Variants in ST8SIA2 observed in about 807,000 individuals in gnomAD.
ST8SIA2 encodes the protein alpha-2,8-sialyltransferase 8B.
ST8SIA2 carries 22 observed loss-of-function variants against 37.6 expected under a neutral mutation model. The ratio of observed to expected loss-of-function variants is 0.58; its 90% confidence interval spans 0.42 to 0.83. The LOEUF (loss-of-function observed/expected upper bound fraction) is 0.83. ST8SIA2 is among the 40% of genes least tolerant of loss of function. The pLI, the probability that ST8SIA2 is intolerant of heterozygous loss-of-function variation, is 0.00. For missense variants in ST8SIA2, 382 were observed against 484.7 expected, an observed-to-expected ratio of 0.79 and a Z score of 1.99; for synonymous variants, 205 against 201.2, an observed-to-expected ratio of 1.02 and a Z score of -0.16.
At position 92,393,986 on chromosome 15, in the gene ST8SIA2, C is replaced by T; in HGVS notation, c.-79C>T. ...CCCAGCTGCGCGCGGCGCGCGGAGG[C>T]TCCGGCGTCCGCCGCTGCGCCCTCC... On this transcript the variant is annotated 5_prime_UTR_variant, in exon 1 of 6. Transcript: ENST00000268164. The T allele has an allele frequency of 9.5e-7, 1 of 1,047,122 alleles. No individual in the cohort carries two copies. The highest frequency in any genetic ancestry group is 1.3e-6 in the Non-Finnish European group (1 of 779,998). 64.9% of individuals were successfully genotyped at this position (1,047,122 alleles called of 1,614,324 possible). A position where few individuals can be genotyped will look rare whatever the true frequency, so the allele number is the denominator to read the frequency against.
chr15:92,440,973 G>C (rs7183904), intron 4 of ST8SIA2, among the ~76,000 whole-genome samples: 48,410 of 152,168 alleles, frequency 0.32, 9,305 homozygotes, highest in East Asian at 0.64. Flanking sequence ...CTCCAGAGCA[G>C]AGTGGCTGTG....
chr15:92,441,721 C>T (rs528879446), intron 4 of ST8SIA2, among the ~76,000 whole-genome samples: 11 of 152,262 alleles, frequency 7.2e-5, no homozygotes, highest in South Asian at 6.2e-4. Context: ...CCACTTTGAA[C>T]GTACCAGGTG....
intron 5 of ST8SIA2, among the ~76,000 whole-genome samples, chr15:92,462,234 G>A (rs1456293179): frequency 6.6e-6 from 1 of 152,176 alleles, no homozygotes; most frequent in East Asian, 1.9e-4. Context: ...TCGGGATGGG[G>A]GGTGTGAGAA....
At chr15:92,451,541 C>T (rs2049881804) in intron 5 of ST8SIA2, among the ~76,000 whole-genome samples, 1 of 152,106 alleles carries the variant, frequency 6.6e-6, no homozygotes, top group Admixed American at 6.5e-5. Flanking sequence ...TTTGGCTGCC[C>T]CTTCACAACA....
At position 92,467,240 on chromosome 15, in the gene ST8SIA2, C is replaced by T. The variant is rs2049999048; in HGVS notation, c.*2855C>T. 6.5e-6 allele frequency: 1 copy of T among 153,372 alleles called. No individual in the cohort carries two copies. Among genetic ancestry groups the T allele is most frequent in the African/African-American group, 2.4e-5 (1 of 41,450 alleles). The allele number at this position is 153,372 out of a possible 1,614,324, so 9.5% of individuals were successfully genotyped here. On this transcript the variant is annotated 3_prime_UTR_variant, in exon 6 of 6. Transcript: ENST00000268164. The stretch of plus-strand genomic sequence containing the variant: ...TTCCCCTTTCTGAGAAACGTCATCC[C>T]CACCAGTTAACGTTTCCTGTACACC...
At chr15:92,406,495 C>G (rs996737529) in intron 1 of ST8SIA2, among the ~76,000 whole-genome samples, 1 of 152,180 alleles carries the variant, frequency 6.6e-6, no homozygotes, top group Non-Finnish European at 1.5e-5. Flanking sequence ...CTAGACCTGC[C>G]GAATCTGAAT....
chr15:92,394,412 C>A (rs569622383), intron 1 of ST8SIA2, among the ~76,000 whole-genome samples: 1 of 152,096 alleles, frequency 6.6e-6, no homozygotes, highest in African/African-American at 2.4e-5. Context: ...TGGCCCGCGT[C>A]GGGAAGCGGA....
chr15:92,397,094 G>A lies in ST8SIA2; in HGVS notation c.98+2932G>A, dbSNP rs1219238023. 1.3e-5 allele frequency among the ~76,000 whole-genome samples: 2 copies of A among 152,220 alleles called. 1 individual carries two copies. Among genetic ancestry groups the A allele is most frequent in the Admixed American group, 1.3e-4 (2 of 15,286 alleles). The stretch of plus-strand genomic sequence containing the variant: ...GTAAAAGGATGGCTGTTTCTGGAAA[G>A]TAATGAACAGTGGGACCCTGTGATC... On this transcript the variant is annotated intron_variant, in intron 1 of 5. Transcript: ENST00000268164.
intron 1 of ST8SIA2, among the ~76,000 whole-genome samples, chr15:92,411,708 T>A (rs1372127080): frequency 6.6e-6 from 1 of 152,158 alleles, no homozygotes; most frequent in East Asian, 1.9e-4. Flanking sequence ...AGGAAGTGAC[T>A]TGTCCACAGT....
chr15:92,441,182 C>G (rs2049798627), intron 4 of ST8SIA2, among the ~76,000 whole-genome samples: 1 of 152,242 alleles, frequency 6.6e-6, no homozygotes, highest in Non-Finnish European at 1.5e-5. Flanking sequence ...TCAGAAAACT[C>G]TGTGTGGGGA....
At chr15:92,426,668 G>C (rs1039430750) in intron 1 of ST8SIA2, among the ~76,000 whole-genome samples, 2 of 152,246 alleles carry the variant, frequency 1.3e-5, no homozygotes, top group Non-Finnish European at 2.9e-5. Context: ...ATTGGGCAAA[G>C]TGTACAAAGT....
chr15:92,462,088 G>A (rs1469748805), intron 5 of ST8SIA2, among the ~76,000 whole-genome samples: 4 of 151,586 alleles, frequency 2.6e-5, no homozygotes, highest in African/African-American at 4.9e-5. Context: ...TGAAACAACC[G>A]CGGTTGTCTA....
chr15:92,400,502 G>A (rs1359597721), intron 1 of ST8SIA2, among the ~76,000 whole-genome samples: 1 of 152,184 alleles, frequency 6.6e-6, no homozygotes, highest in Non-Finnish European at 1.5e-5. Context: ...TGTGTATCTA[G>A]CGTGGAGGGT....
At chr15:92,439,617 G>A (rs917073593) in intron 4 of ST8SIA2, among the ~76,000 whole-genome samples, 1 of 152,168 alleles carries the variant, frequency 6.6e-6, no homozygotes, top group Non-Finnish European at 1.5e-5. Context: ...CTAAACCTTG[G>A]GACATGGGAA....
At position 92,444,824 on chromosome 15, in the gene ST8SIA2, G is replaced by C; in HGVS notation, c.737G>C (p.Arg246Pro). The change falls in exon 5 of 6, where the codon CGG becomes CCG. Residue 246 changes from arginine to proline, a missense_variant. Physicochemically the swap from Arg to Pro is moderately radical, Grantham distance 103. Transcript: ENST00000268164. ...SILWIPAFMA[R>P]GGKERVEWVN... ...CTGTGGATCCCTGCCTTCATGGCCC[G>C]GGGCGGCAAGGAGCGTGTTGAGTGG... The C allele has an allele frequency of 6.2e-7, 1 of 1,614,016 alleles. No individual in the cohort carries two copies. Among genetic ancestry groups the C allele is most frequent in the Non-Finnish European group, 8.5e-7 (1 of 1,180,038 alleles).
At chr15:92,453,662 C>A (rs754708635) in intron 5 of ST8SIA2, among the ~76,000 whole-genome samples, 3 of 152,194 alleles carry the variant, frequency 2.0e-5, no homozygotes, top group Non-Finnish European at 4.4e-5. Context: ...TCACATTTTT[C>A]TTTAGGTGCC....
intron 1 of ST8SIA2, among the ~76,000 whole-genome samples, chr15:92,400,561 G>A (rs1044048226): frequency 6.6e-6 from 1 of 152,142 alleles, no homozygotes; most frequent in Non-Finnish European, 1.5e-5. Flanking sequence ...TCACCATTGC[G>A]GAATGTTTGG....
rs540915058 is a variant in ST8SIA2 at position 92,467,491 on chromosome 15, C to T, written c.*3106C>T. ...TCTCACCTCCCAGCTCTCCACGCCA[C>T]TTGGCTCTGCAGCGACCCCTCCTAG... On this transcript the variant is annotated 3_prime_UTR_variant, in exon 6 of 6. Transcript: ENST00000268164. The T allele has an allele frequency of 1.3e-5, 2 of 153,200 alleles. No individual in the cohort carries two copies. Among genetic ancestry groups the T allele is most frequent in the African/African-American group, 4.8e-5 (2 of 41,588 alleles). The allele number at this position is 153,200 out of a possible 1,614,324, so 9.5% of individuals were successfully genotyped here.
At chr15:92,441,456 G>T (rs924017668) in intron 4 of ST8SIA2, among the ~76,000 whole-genome samples, 3 of 152,188 alleles carry the variant, frequency 2.0e-5, no homozygotes, top group African/African-American at 7.2e-5. Flanking sequence ...TGTCTGAGGG[G>T]CTGGGCCCAG....
Sources: gnomAD v4.1 joint callset for allele counts (sites outside exome capture counted in the v4.1 genomes callset) on GRCh38, gnomAD v4.1.1 for gene constraint, MANE v1.5 for transcripts, NCBI Gene and HGNC (gene_info 2026-07-23, HGNC 2026-07-21) for gene names.